Variants in GRIP1 observed in about 807,000 individuals in gnomAD.
GRIP1 encodes the protein glutamate receptor-interacting protein 1.
A neutral mutation model predicts 129.9 loss-of-function variants in GRIP1; 45 were observed. The ratio of observed to expected loss-of-function variants is 0.35; its 90% confidence interval spans 0.27 to 0.44. The LOEUF is 0.44. GRIP1 is among the 20% of genes least tolerant of loss of function. The probability of loss-of-function intolerance (pLI) is 1.00; values close to 1 mark genes in which losing one functional copy is unlikely to be tolerated. For missense variants in GRIP1, 1,196 were observed against 1,396.8 expected (o/e 0.86, Z 2.29); for synonymous variants, 530 against 520.8 (o/e 1.02, Z -0.24).
At chr12:66,556,171 G>C (rs1332199664) in intron 2 of GRIP1, among the ~76,000 whole-genome samples, 2 of 151,944 alleles carry the variant, frequency 1.3e-5, no homozygotes, top group Middle Eastern at 6.3e-3. Context: ...GAATCCTAAA[G>C]GCAGCAAGAG....
chr12:66,979,178 T>G (rs144828676), intron 1 of GRIP1, among the ~76,000 whole-genome samples: 1 of 136,614 alleles, frequency 7.3e-6, no homozygotes, highest in Admixed American at 8.3e-5. Context: ...ATGACCCCAC[T>G]TGAGGATTTA....
chr12:66,481,311 A>G (rs1340614638), intron 7 of GRIP1, among the ~76,000 whole-genome samples: 2 of 152,150 alleles, frequency 1.3e-5, no homozygotes, highest in African/African-American at 4.8e-5. Context: ...ACTTCTCAAA[A>G]GAAGACATTT....
chr12:66,471,084 C>T (rs1217109861), intron 7 of GRIP1, among the ~76,000 whole-genome samples: 3 of 152,166 alleles, frequency 2.0e-5, no homozygotes, highest in African/African-American at 7.2e-5. Context: ...CTTGAGAGCC[C>T]ATAGTGTAGA....
At chr12:66,696,455 G>A (rs1436732438) in intron 1 of GRIP1, among the ~76,000 whole-genome samples, 1 of 151,966 alleles carries the variant, frequency 6.6e-6, no homozygotes, top group East Asian at 1.9e-4. Flanking sequence ...GTTAGAGAAA[G>A]GTGGAACATA....
chr12:66,522,950 G>A (rs1445005936), intron 5 of GRIP1, among the ~76,000 whole-genome samples: 5 of 152,144 alleles, frequency 3.3e-5, no homozygotes, highest in African/African-American at 1.2e-4. Context: ...TGAAATGAAT[G>A]AAATGAAGCA....
intron 23 of GRIP1, among the ~76,000 whole-genome samples, chr12:66,369,671 C>A (rs1014152828): frequency 6.6e-6 from 1 of 152,096 alleles, no homozygotes; most frequent in Non-Finnish European, 1.5e-5. Context: ...GGTGGGTTAT[C>A]AAGCAGGCTC....
chr12:66,457,111 G>A (rs934402171), intron 9 of GRIP1, among the ~76,000 whole-genome samples: 10 of 151,796 alleles, frequency 6.6e-5, no homozygotes, highest in African/African-American at 2.2e-4. Context: ...TCCCTTTTAT[G>A]TTTTAGAAAA....
At chr12:66,926,818 T>G (rs1429736111) in intron 1 of GRIP1, among the ~76,000 whole-genome samples, 1 of 152,212 alleles carries the variant, frequency 6.6e-6, no homozygotes, top group East Asian at 1.9e-4. Flanking sequence ...AATATAACTC[T>G]ATTAAAATAA....
chr12:66,913,599 T>C (rs2041068791), intron 1 of GRIP1, among the ~76,000 whole-genome samples: 1 of 152,244 alleles, frequency 6.6e-6, no homozygotes, highest in Non-Finnish European at 1.5e-5. Flanking sequence ...AGAATTATTT[T>C]GTTATTTTGT....
At chr12:66,984,056 C>T (rs958144291) in intron 1 of GRIP1, among the ~76,000 whole-genome samples, 1 of 152,118 alleles carries the variant, frequency 6.6e-6, no homozygotes, top group Non-Finnish European at 1.5e-5. Flanking sequence ...CAGCAATTTG[C>T]AGAACAAACC....
intron 1 of GRIP1, among the ~76,000 whole-genome samples, chr12:66,935,530 T>C (rs1421813375): frequency 6.6e-6 from 1 of 152,150 alleles, no homozygotes; most frequent in East Asian, 1.9e-4. Flanking sequence ...GGTCTAATGA[T>C]TGAGTTCAGT....
At chr12:66,609,826 C>A (rs2064710981) in intron 1 of GRIP1, among the ~76,000 whole-genome samples, 1 of 152,066 alleles carries the variant, frequency 6.6e-6, no homozygotes, top group African/African-American at 2.4e-5. Context: ...TAAAAGAAAC[C>A]ATTCCTTCCA....
intron 1 of GRIP1, among the ~76,000 whole-genome samples, chr12:66,847,515 T>G (rs2039839218): frequency 6.6e-6 from 1 of 152,230 alleles, no homozygotes; most frequent in South Asian, 2.1e-4. Context: ...AATTGAATAA[T>G]GTTATTTAAC....
At chr12:66,357,430 G>C (rs1276381410) in intron 23 of GRIP1, among the ~76,000 whole-genome samples, 1 of 152,160 alleles carries the variant, frequency 6.6e-6, no homozygotes, top group African/African-American at 2.4e-5. Flanking sequence ...TGGGGACTGG[G>C]GGCAGGAACA....
intron 1 of GRIP1, among the ~76,000 whole-genome samples, chr12:66,917,419 T>A (rs1566077874): frequency 6.6e-6 from 1 of 152,190 alleles, no homozygotes; most frequent in Admixed American, 6.5e-5. Flanking sequence ...TTGCCAGAGA[T>A]AGAGAGAAAA....
rs114326748 is a variant in GRIP1, at chr12:66,702,734, G to A, written c.-419-72398C>T. On this transcript the variant is annotated intron_variant, in intron 1 of 4. Coordinates refer to the GRIP1 transcript ENST00000538373. The stretch of plus-strand genomic sequence containing the variant: ...CAGAGTGGGTGACAAAAAAGGAAAC[G>A]TCTCTCTGGTACAAGTTAATGAATC... 6.7e-3 allele frequency among the ~76,000 whole-genome samples: 1,018 copies of A among 152,196 alleles called. 7 individuals carry two copies. The highest frequency in any genetic ancestry group is 0.02 in the African/African-American group (836 of 41,526).
At chr12:66,461,733 T>C (rs991498754) in intron 9 of GRIP1, among the ~76,000 whole-genome samples, 4 of 152,028 alleles carry the variant, frequency 2.6e-5, no homozygotes, top group Non-Finnish European at 5.9e-5. Context: ...GGTCCCTCTT[T>C]CCCCCCGCCC....
At chr12:66,871,351 G>C (rs11176468) in intron 1 of GRIP1, among the ~76,000 whole-genome samples, 8,090 of 152,080 alleles carry the variant, frequency 0.053, 738 homozygotes, top group African/African-American at 0.18. Flanking sequence ...AGCACGAATA[G>C]CAAGAAACCT....
chr12:66,359,516 G>A (rs1269730647), intron 23 of GRIP1, among the ~76,000 whole-genome samples: 1 of 152,194 alleles, frequency 6.6e-6, no homozygotes, highest in East Asian at 1.9e-4. Flanking sequence ...TGGGTTAGCA[G>A]AGTAGCTCAT....
Sources: allele counts gnomAD v4.1 joint callset (sites outside exome capture counted in the v4.1 genomes callset), GRCh38; gene constraint gnomAD v4.1.1; transcripts MANE v1.5; gene names NCBI Gene and HGNC (gene_info 2026-07-23, HGNC 2026-07-21).